Variants in GALNT2 observed in about 807,000 individuals in gnomAD.
GALNT2 encodes UDP-GalNAc:polypeptide N-acetylgalactosaminyltransferase 2.
A neutral mutation model predicts 81.4 loss-of-function variants in GALNT2; 31 were observed. That is an observed-to-expected ratio of 0.38 (90% CI 0.29 to 0.51). GALNT2 has a LOEUF of 0.51. GALNT2 is among the 20% of genes least tolerant of loss of function. GALNT2 has a pLI of 0.87. For missense variants in GALNT2, 629 were observed against 765.7 expected (o/e 0.82, Z 2.11); for synonymous variants, 303 against 287.4 (o/e 1.05, Z -0.55).
Position 230,279,666 on chromosome 1 carries a change from G to C in GALNT2, c.*208G>C. On this transcript the variant is annotated 3_prime_UTR_variant, in exon 16 of 16. Coordinates refer to ENST00000366672, the MANE Select transcript of GALNT2 (RefSeq NM_004481.5). This position sits in a 1 kb window ranked among gnomAD's most constrained non-coding sequence, Gnocchi z 4.6. The stretch of plus-strand genomic sequence containing the variant: ...CGAGAACTGCCCTCCCCCTCCTCTC[G>C]GTGCAGCCCAGCCGGGCCCCCTTCC... The C allele has an allele frequency of 1.6e-6, 1 of 633,494 alleles. No homozygotes were observed. Among genetic ancestry groups the C allele is most frequent in the African/African-American group, 1.8e-5 (1 of 54,572 alleles). The allele number at this position is 633,494 out of a possible 1,614,324, so 39.2% of individuals were successfully genotyped here.
At chr1:230,176,345 A>G (rs1016375906) in intron 1 of GALNT2, among the ~76,000 whole-genome samples, 1 of 152,224 alleles carries the variant, frequency 6.6e-6, no homozygotes, top group Non-Finnish European at 1.5e-5. Context: ...ACTACAGATG[A>G]TGACTTTATT....
intron 3 of GALNT2, among the ~76,000 whole-genome samples, chr1:230,225,679 T>G (rs1299526399): frequency 2.7e-5 from 4 of 147,232 alleles, no homozygotes; most frequent in African/African-American, 1.1e-4. Flanking sequence ...GCAGAGTTTT[T>G]TTGTTTTTTT....
At chr1:230,270,680 G>GT (rs1285806225) in intron 14 of GALNT2, among the ~76,000 whole-genome samples, 3 of 152,178 alleles carry the variant, frequency 2.0e-5, no homozygotes, top group Admixed American at 2.0e-4. Context: ...AAACGAGAGG[G>GT]TAAGTAATAT....
chr1:230,082,623 G>A (rs1659769560), intron 1 of GALNT2, among the ~76,000 whole-genome samples: 3 of 152,228 alleles, frequency 2.0e-5, no homozygotes, highest in African/African-American at 2.4e-5. Context: ...GAGTGTAGTG[G>A]CTGCCAGGAG....
chr1:230,164,022 T>G (rs1662520223), intron 1 of GALNT2, among the ~76,000 whole-genome samples: 1 of 152,212 alleles, frequency 6.6e-6, no homozygotes, highest in African/African-American at 2.4e-5. Context: ...ACTTTGTTTT[T>G]TTTGGGAGGG....
At chr1:230,160,097 C>T (rs1358763364) in intron 1 of GALNT2, among the ~76,000 whole-genome samples, 1 of 152,188 alleles carries the variant, frequency 6.6e-6, no homozygotes, top group African/African-American at 2.4e-5. Context: ...GGATGACCAC[C>T]ATCATCTCAT....
chr1:230,082,527 G>T (rs1393189950), intron 1 of GALNT2, among the ~76,000 whole-genome samples: 1 of 152,228 alleles, frequency 6.6e-6, no homozygotes, highest in Non-Finnish European at 1.5e-5. Flanking sequence ...TCCTGCAGCC[G>T]ACTCTCCTTA....
At chr1:230,183,377 T>TTTTGTCG (rs1323673407) in intron 2 of GALNT2, among the ~76,000 whole-genome samples, 7 of 152,218 alleles carry the variant, frequency 4.6e-5, no homozygotes, top group Admixed American at 2.0e-4. Context: ...TTTTTCTGCC[T>TTTTGTCG]TTTGTCGTTT....
chr1:230,130,023 A>G (rs1168977712), intron 1 of GALNT2, among the ~76,000 whole-genome samples: 1 of 152,194 alleles, frequency 6.6e-6, no homozygotes, highest in South Asian at 2.1e-4. Flanking sequence ...CATGACCTCC[A>G]TGTTCTTACT....
intron 3 of GALNT2, among the ~76,000 whole-genome samples, chr1:230,205,366 G>A (rs900112133): frequency 6.6e-6 from 1 of 152,066 alleles, no homozygotes; most frequent in African/African-American, 2.4e-5. Context: ...GGAAAAGTGT[G>A]TGTGTGTGTT....
chr1:230,091,131 C>T (rs917489714), intron 1 of GALNT2, among the ~76,000 whole-genome samples: 9 of 151,816 alleles, frequency 5.9e-5, no homozygotes, highest in Admixed American at 2.6e-4. Context: ...TACAGTGGCA[C>T]GATCTCAGCT....
chr1:230,263,007 TA>T lies in GALNT2; in HGVS notation c.1313+4del. 1 of 1,613,230 alleles carries T rather than the reference TA, an allele frequency of 6.2e-7. No individual in the cohort carries two copies. The highest frequency in any genetic ancestry group is 8.5e-7 in the Non-Finnish European group (1 of 1,179,236). On this transcript the variant is annotated splice_donor_region_variant and intron_variant, in intron 13 of 15. Coordinates refer to ENST00000366672, the MANE Select transcript of GALNT2 (RefSeq NM_004481.5). ...TGAAAATGTCTATCCAGAGTTAAGG[TA>T]AGTCCCCAGGGATCTGGGGTTTCAC...
rs529303695 is a variant in GALNT2 at position 230,135,665 on chromosome 1, A to G, written c.127-42553A>G. 1.8e-3 allele frequency among the ~76,000 whole-genome samples: 269 copies of G among 152,076 alleles called. 1 individual carries two copies. The Middle Eastern group carries it at 0.024, about 13-fold the overall frequency. On this transcript the variant is annotated intron_variant, in intron 1 of 15. Coordinates refer to ENST00000366672, the MANE Select transcript of GALNT2 (RefSeq NM_004481.5). The stretch of plus-strand genomic sequence containing the variant: ...TCTGGATTTGAATTCAGTCTCTGCC[A>G]TTTATCACTTGAGGGATCTCAGATG...
chr1:230,244,647 GGAGA>G (rs1465122494), intron 7 of GALNT2, among the ~76,000 whole-genome samples: 1 of 152,166 alleles, frequency 6.6e-6, no homozygotes, highest in Non-Finnish European at 1.5e-5. Context: ...CCTAAATTAA[GGAGA>G]GAAAGTGCCA....
intron 1 of GALNT2, among the ~76,000 whole-genome samples, chr1:230,159,167 C>T (rs1311134698): frequency 1.3e-5 from 2 of 152,084 alleles, no homozygotes; most frequent in Admixed American, 1.3e-4. Context: ...GGACGCTGTA[C>T]CCCTGCCCTA....
At chr1:230,175,487 C>T (rs749396607) in intron 1 of GALNT2, among the ~76,000 whole-genome samples, 11 of 152,154 alleles carry the variant, frequency 7.2e-5, no homozygotes, top group Non-Finnish European at 1.3e-4. Flanking sequence ...GGGCTTGGCA[C>T]CTCGTAAATA....
chr1:230,069,407 C>A (rs527737391), intron 1 of GALNT2, among the ~76,000 whole-genome samples: 1 of 152,166 alleles, frequency 6.6e-6, no homozygotes, highest in South Asian at 2.1e-4. Context: ...TCTATTCTTT[C>A]TGTCAACGAA....
intron 1 of GALNT2, among the ~76,000 whole-genome samples, chr1:230,167,023 A>C (rs1662624189): frequency 6.6e-6 from 1 of 151,854 alleles, no homozygotes; most frequent in South Asian, 2.1e-4. Flanking sequence ...GAGAAGCTTA[A>C]TTACAAATTT....
intron 1 of GALNT2, among the ~76,000 whole-genome samples, chr1:230,107,862 C>A (rs1170885601): frequency 2.0e-5 from 3 of 152,128 alleles, no homozygotes; most frequent in Non-Finnish European, 4.4e-5. Flanking sequence ...GTGAGGCTGC[C>A]TTTCAGGGAG....
Sources: allele counts gnomAD v4.1 joint callset (sites outside exome capture counted in the v4.1 genomes callset), GRCh38; gene constraint gnomAD v4.1.1; non-coding constraint Gnocchi (gnomAD v3.1); transcripts MANE v1.5; gene names NCBI Gene and HGNC (gene_info 2026-07-23, HGNC 2026-07-21).